Variants in REC114 observed in about 807,000 individuals in gnomAD.
REC114 encodes REC114 meiotic recombination protein, also known as meiotic recombination protein REC114.
A neutral mutation model predicts 31.3 loss-of-function variants in REC114; 27 were observed. The ratio of observed to expected loss-of-function variants is 0.86; its 90% CI spans 0.64 to 1.19. The LOEUF (loss-of-function observed/expected upper bound fraction) is 1.19. Among genes scored for constraint, REC114 ranks in the 50% most tolerant of loss-of-function variants. The pLI is 0.00. For missense variants in REC114, 344 were observed against 326.9 expected, an observed-to-expected ratio of 1.05 and a Z score of -0.40; for synonymous variants, 134 against 127.7, an observed-to-expected ratio of 1.05 and a Z score of -0.33.
chr15:73,546,636 C>G (rs1280750497), intron 3 of REC114, among the ~76,000 whole-genome samples: 1 of 151,696 alleles, frequency 6.6e-6, no homozygotes, highest in African/African-American at 2.4e-5. Context: ...TATCAGTGAA[C>G]TCATTTTTGA....
intron 2 of REC114, among the ~76,000 whole-genome samples, chr15:73,512,988 G>C (rs1435120014): frequency 6.6e-6 from 1 of 151,282 alleles, no homozygotes; most frequent in Non-Finnish European, 1.5e-5. Context: ...CTGAACGTTG[G>C]CCTGCCTTGC....
chr15:73,495,853 T>A (rs1893514888), intron 2 of REC114, among the ~76,000 whole-genome samples: 1 of 152,118 alleles, frequency 6.6e-6, no homozygotes. Context: ...GAAAGGGAAA[T>A]GAGCACATTT....
rs555161086 is a variant in REC114 at position 73,480,361 on chromosome 15, T to A, written c.249+6440T>A. On this transcript the variant is annotated intron_variant, in intron 2 of 5. Transcript: ENST00000331090. ...TTTAAATAAACAAATTTATTTAAAA[T>A]TTTTAAATTTTATAATAAAAATTTT... 1.3e-3 allele frequency among the ~76,000 whole-genome samples: 195 copies of A among 151,708 alleles called. 2 individuals are homozygous for A. The highest frequency in any genetic ancestry group is 4.5e-3 in the African/African-American group (189 of 41,546).
At chr15:73,489,475 G>T (rs974883414) in intron 2 of REC114, among the ~76,000 whole-genome samples, 6 of 151,840 alleles carry the variant, frequency 4.0e-5, no homozygotes, top group African/African-American at 1.4e-4. Flanking sequence ...CAAACTGTTG[G>T]GATTACAGGC....
At chr15:73,502,700 G>T (rs1400397811) in intron 2 of REC114, among the ~76,000 whole-genome samples, 1 of 152,162 alleles carries the variant, frequency 6.6e-6, no homozygotes, top group Non-Finnish European at 1.5e-5. Context: ...GACCTGCACA[G>T]TTCAAACCTG....
At chr15:73,534,696 C>T (rs1484889457) in intron 2 of REC114, among the ~76,000 whole-genome samples, 2 of 152,096 alleles carry the variant, frequency 1.3e-5, no homozygotes, top group Admixed American at 6.5e-5. Context: ...CAGCATCATT[C>T]TGATACCAAA....
chr15:73,453,142 TTAAAC>T (rs1440646263), intron 1 of REC114, among the ~76,000 whole-genome samples: 9 of 152,154 alleles, frequency 5.9e-5, no homozygotes, highest in Non-Finnish European at 8.8e-5. Flanking sequence ...TGGGATCTAA[TTAAAC>T]TAAAGAGCTT....
At chr15:73,479,262 C>T (rs1893260404) in intron 2 of REC114, among the ~76,000 whole-genome samples, 1 of 149,906 alleles carries the variant, frequency 6.7e-6, no homozygotes, top group African/African-American at 2.4e-5. Flanking sequence ...TGCTAAGGGA[C>T]TTGTTTTTTC....
chr15:73,551,365 A>C lies in REC114; in HGVS notation c.546+215A>C, dbSNP rs188520067. On this transcript the variant is annotated intron_variant, in intron 4 of 5. Transcript: ENST00000331090. Reference sequence around the variant, plus strand: ...TTCCAGCTGCATTCTGGGTGTCACTACAGAACAGTGGTTCTCAAAGTGTGG... The same window carrying C: ...TTCCAGCTGCATTCTGGGTGTCACTCCAGAACAGTGGTTCTCAAAGTGTGG... 2.1e-3 allele frequency among the ~76,000 whole-genome samples: 321 copies of C among 152,338 alleles called. 3 individuals carry two copies. Among genetic ancestry groups the C allele is most frequent in the Admixed American group, 3.7e-3 (57 of 15,298 alleles).
chr15:73,449,596 C>T (rs992257990), intron 1 of REC114, among the ~76,000 whole-genome samples: 1 of 152,124 alleles, frequency 6.6e-6, no homozygotes, highest in African/African-American at 2.4e-5. Context: ...AGGAGAACTT[C>T]CCCAATCTAG....
rs1289266238 is a variant in REC114 at position 73,536,571 on chromosome 15, A to G, written c.250-3914A>G. 3.3e-5 allele frequency among the ~76,000 whole-genome samples: 5 copies of G among 152,230 alleles called. No individual in the cohort carries two copies. In the East Asian group the frequency reaches 9.6e-4, roughly 29 times the overall value. ...CAGGAAAAGCTACAGAGAAGCTATC[A>G]GTTGAGCCAAACTGAATTCTCTAGA... On this transcript the variant is annotated intron_variant, in intron 2 of 5. Transcript: ENST00000331090.
chr15:73,479,908 T>C (rs577895689), intron 2 of REC114, among the ~76,000 whole-genome samples: 1 of 152,352 alleles, frequency 6.6e-6, no homozygotes, highest in South Asian at 2.1e-4. Context: ...GGAGTACAGA[T>C]ACCTCTTCAA....
chr15:73,473,946 A>G lies in REC114; in HGVS notation c.249+25A>G, dbSNP rs372585321. ...GGTAGGTTTTATGCATAACAGTTTA[A>G]TATGGAAATACATCTTTGTCTTCTT... On this transcript the variant is annotated intron_variant, in intron 2 of 5. Transcript: ENST00000331090. The G allele has an allele frequency of 1.2e-5, 17 of 1,363,542 alleles. No homozygotes were observed. The African/African-American group carries it at 2.0e-4, about 16-fold the overall frequency. The allele number at this position is 1,363,542 out of a possible 1,614,324, so 84.5% of individuals were successfully genotyped here. A position where few individuals can be genotyped will look rare whatever the true frequency, so the allele number is the denominator to read the frequency against.
At chr15:73,461,922 C>CTTTTTTTTTTTT (rs961387922) in intron 1 of REC114, among the ~76,000 whole-genome samples, 4 of 78,206 alleles carry the variant, frequency 5.1e-5, no homozygotes, top group Non-Finnish European at 8.9e-5. Flanking sequence ...TTTTTCTTTT[C>CTTTTTTTTTTTT]TTTTTTTTTT....
At chr15:73,471,067 C>A (rs980487105) in intron 1 of REC114, among the ~76,000 whole-genome samples, 1 of 152,032 alleles carries the variant, frequency 6.6e-6, no homozygotes, top group Non-Finnish European at 1.5e-5. Context: ...TATTGCAGGG[C>A]TGTAAGCTGG....
At chr15:73,479,189 G>A (rs903189349) in intron 2 of REC114, among the ~76,000 whole-genome samples, 4 of 150,424 alleles carry the variant, frequency 2.7e-5, no homozygotes, top group African/African-American at 4.9e-5. Context: ...AATGTTAGCT[G>A]TAGGTTTTTT....
At chr15:73,508,829 T>C (rs1279517882) in intron 2 of REC114, among the ~76,000 whole-genome samples, 3 of 151,712 alleles carry the variant, frequency 2.0e-5, no homozygotes, top group African/African-American at 7.3e-5. Flanking sequence ...CACATTTCCT[T>C]AATCCAATCT....
chr15:73,480,102 T>A (rs1024873583), intron 2 of REC114, among the ~76,000 whole-genome samples: 1 of 152,266 alleles, frequency 6.6e-6, no homozygotes, highest in African/African-American at 2.4e-5. Context: ...ATACCTCTTG[T>A]CTTCTGTCTC....
chr15:73,495,453 A>G (rs1464472388), intron 2 of REC114, among the ~76,000 whole-genome samples: 2 of 151,964 alleles, frequency 1.3e-5, no homozygotes, highest in African/African-American at 4.8e-5. Flanking sequence ...TCAGTGTCGT[A>G]ACCCAAAACA....
Sources: gnomAD v4.1 joint callset for allele counts (sites outside exome capture counted in the v4.1 genomes callset) on GRCh38, gnomAD v4.1.1 for gene constraint, MANE v1.5 for transcripts, NCBI Gene and HGNC (gene_info 2026-07-23, HGNC 2026-07-21) for gene names.